PCDHGA7: variants seen among roughly 807,000 people sequenced by gnomAD.
The protein encoded by PCDHGA7 is protocadherin gamma subfamily A, 7.
A neutral mutation model predicts 58.3 loss-of-function variants in PCDHGA7; 44 were observed. The observed-to-expected ratio is 0.75, with a 90% CI of 0.59 to 0.97. The LOEUF is 0.97. Ranked by LOEUF, PCDHGA7 falls within the 50% of genes least tolerant of loss-of-function variation. PCDHGA7 has a pLI of 0.00. For missense variants in PCDHGA7, 1,266 were observed against 1,188.7 expected (o/e 1.06, Z -0.96); for synonymous variants, 516 against 504.2 (o/e 1.02, Z -0.31).
chr5:141,423,612 TGAAGAC>T, intron 1 of PCDHGA7: 1 of 1,611,004 alleles, frequency 6.2e-7, no homozygotes, highest in African/African-American at 1.3e-5. Flanking sequence ...TCTTGATAGC[TGAAGAC>T]TCAGCTATCA....
chr5:141,472,994 AAAAG>A (rs1425445230), intron 1 of PCDHGA7, among the ~76,000 whole-genome samples: 7 of 151,692 alleles, frequency 4.6e-5, no homozygotes, highest in African/African-American at 1.7e-4. Context: ...AAAAAAAAAA[AAAAG>A]AAAGAAAAAG....
At chr5:141,390,353 T>C (rs2092125983) in intron 1 of PCDHGA7, 3 of 1,554,516 alleles carry the variant, frequency 1.9e-6, no homozygotes, top group African/African-American at 2.8e-5. Flanking sequence ...AAAATATACA[T>C]ATTTGCAGGA....
intron 1 of PCDHGA7, among the ~76,000 whole-genome samples, chr5:141,473,757 T>C (rs993403397): frequency 6.6e-6 from 1 of 152,240 alleles, no homozygotes; most frequent in Non-Finnish European, 1.5e-5. Context: ...TTGGATACTA[T>C]GCAAAGGATT....
chr5:141,428,057 G>C (rs766786963), intron 1 of PCDHGA7: 2 of 1,609,044 alleles, frequency 1.2e-6, no homozygotes, highest in East Asian at 2.2e-5. Flanking sequence ...AGGTGGTGGC[G>C]GTGGACGCAG....
chr5:141,403,333 C>G (rs376895778), intron 1 of PCDHGA7: 1 of 1,613,984 alleles, frequency 6.2e-7, no homozygotes, highest in South Asian at 1.1e-5. Context: ...CTGATATTAA[C>G]GACAGCGCCC....
intron 1 of PCDHGA7, among the ~76,000 whole-genome samples, chr5:141,459,544 T>G (rs772982634): frequency 6.6e-6 from 1 of 152,246 alleles, no homozygotes; most frequent in Non-Finnish European, 1.5e-5. Flanking sequence ...TTTTTTTTAT[T>G]TCTCTTGGAT....
At chr5:141,441,087 TGACA>T (rs1168679217) in intron 1 of PCDHGA7, 1 of 152,174 alleles carries the variant, frequency 6.6e-6, no homozygotes, top group Non-Finnish European at 1.5e-5. Flanking sequence ...TGGTAGCAAG[TGACA>T]GAGAGGGACT....
At position 141,511,373 on chromosome 5, in the gene PCDHGA7, G is replaced by C. The variant is rs1361376059; in HGVS notation, c.*200G>C. 16 of 1,251,214 alleles carry C rather than the reference G, an allele frequency of 1.3e-5. No homozygotes were observed. Among genetic ancestry groups the C allele is most frequent in the Non-Finnish European group, 1.4e-5 (13 of 925,282 alleles). The allele number at this position is 1,251,214 out of a possible 1,614,324, so 77.5% of individuals were successfully genotyped here. A position where few individuals can be genotyped will look rare whatever the true frequency, so the allele number is the denominator to read the frequency against. ...CCCCCAGGGGGTTGAATATGCAAAAGCAGTTCCGCTGGGAACCCCCATCCA... is the reference window on the plus strand; with the variant it reads ...CCCCCAGGGGGTTGAATATGCAAAACCAGTTCCGCTGGGAACCCCCATCCA... On this transcript the variant is annotated 3_prime_UTR_variant, in exon 4 of 4. Transcript: ENST00000518325.
chr5:141,399,677 A>G, intron 1 of PCDHGA7: 1 of 1,613,540 alleles, frequency 6.2e-7, no homozygotes, highest in Non-Finnish European at 8.5e-7. Flanking sequence ...CGCGCCTTTG[A>G]CTACGAGCAG....
At chr5:141,421,159 C>G (rs2096549842) in intron 1 of PCDHGA7, 3 of 1,236,898 alleles carry the variant, frequency 2.4e-6, no homozygotes. Flanking sequence ...CCTAGGACTT[C>G]ATAGATACAT....
intron 1 of PCDHGA7, chr5:141,424,091 G>A: frequency 1.1e-6 from 1 of 879,778 alleles, no homozygotes; most frequent in Non-Finnish European, 1.4e-6. Context: ...ACCATTATTT[G>A]CTATTACTGC....
intron 1 of PCDHGA7, among the ~76,000 whole-genome samples, chr5:141,437,450 G>A (rs2097885331): frequency 6.6e-6 from 1 of 152,148 alleles, no homozygotes; most frequent in Non-Finnish European, 1.5e-5. Context: ...GAATGTTGAG[G>A]AGACTATACT....
intron 1 of PCDHGA7, among the ~76,000 whole-genome samples, chr5:141,439,459 A>C (rs558086952): frequency 6.6e-6 from 1 of 152,222 alleles, no homozygotes. Flanking sequence ...GCAAGACTGC[A>C]CTGCTGCCTT....
At chr5:141,419,713 C>T in intron 1 of PCDHGA7, 1 of 1,613,264 alleles carries the variant, frequency 6.2e-7, no homozygotes, top group East Asian at 2.2e-5. Context: ...GGCTCTTCAG[C>T]CTGGGGCTGC....
intron 2 of PCDHGA7, among the ~76,000 whole-genome samples, chr5:141,500,892 G>GAT (rs1036007799): frequency 1.1e-5 from 1 of 88,010 alleles, no homozygotes; most frequent in African/African-American, 7.1e-5. Flanking sequence ...TTTTTTTTGA[G>GAT]ACAGTCTCGC....
At chr5:141,453,586 C>T (rs1409763264) in intron 1 of PCDHGA7, among the ~76,000 whole-genome samples, 1 of 152,204 alleles carries the variant, frequency 6.6e-6, no homozygotes, top group Non-Finnish European at 1.5e-5. Context: ...GGTTTATCCT[C>T]ACTGTGTTTC....
intron 1 of PCDHGA7, chr5:141,404,338 G>A (rs752211796): frequency 1.9e-5 from 30 of 1,613,686 alleles, no homozygotes; most frequent in Non-Finnish European, 2.4e-5. Flanking sequence ...TCTACCTCCC[G>A]GAAAACAACG....
intron 1 of PCDHGA7, chr5:141,410,801 A>T: frequency 3.4e-6 from 2 of 587,936 alleles, no homozygotes; most frequent in South Asian, 3.5e-5. Context: ...AAGTTGCTCT[A>T]TCTTTTTGTA....
chr5:141,505,803 C>T (rs920849273), intron 3 of PCDHGA7, among the ~76,000 whole-genome samples: 29 of 152,116 alleles, frequency 1.9e-4, no homozygotes, highest in African/African-American at 6.5e-4. Flanking sequence ...GGACTTGGAT[C>T]GACTTGCTCA....
Sources: allele counts gnomAD v4.1 joint callset (sites outside exome capture counted in the v4.1 genomes callset), GRCh38; gene constraint gnomAD v4.1.1; transcripts MANE v1.5; gene names NCBI Gene and HGNC (gene_info 2026-07-23, HGNC 2026-07-21).